BTBD10: variants seen among roughly 807,000 people sequenced by gnomAD.
BTBD10 encodes BTB/POZ domain-containing protein 10.
A neutral mutation model predicts 53.2 loss-of-function variants in BTBD10; 21 were observed. That is an observed-to-expected ratio of 0.39 (90% CI 0.28 to 0.57). The LOEUF (loss-of-function observed/expected upper bound fraction) is 0.57. Ranked by LOEUF, BTBD10 falls within the 20% of genes least tolerant of loss-of-function variation. The pLI is 0.53. For missense variants in BTBD10, 360 were observed against 594.7 expected (o/e 0.61, Z 4.10); for synonymous variants, 149 against 192.7 (o/e 0.77, Z 1.88).
intron 4 of BTBD10, 98 bp downstream of exon 4, chr11:13,419,362 A>T: frequency 6.9e-7 from 1 of 1,440,678 alleles, no homozygotes; most frequent in South Asian, 1.3e-5. Context: ...CAGAAATGTT[A>T]CATTTCAACA....
At chr11:13,390,664 T>C (rs1032252620) in intron 8 of BTBD10, among the ~76,000 whole-genome samples, 2 of 152,168 alleles carry the variant, frequency 1.3e-5, no homozygotes, top group Admixed American at 6.5e-5. Flanking sequence ...TAAAACTTTA[T>C]AAAAAAGAGG....
intron 6 of BTBD10, among the ~76,000 whole-genome samples, chr11:13,408,525 T>C (rs977583926): frequency 6.6e-6 from 1 of 152,244 alleles, no homozygotes; most frequent in Non-Finnish European, 1.5e-5. Flanking sequence ...TGCTGAACTT[T>C]AGACATGTAT....
chr11:13,389,436 T>TC (rs1949348932), intron 8 of BTBD10, among the ~76,000 whole-genome samples: 1 of 149,842 alleles, frequency 6.7e-6, no homozygotes, highest in Admixed American at 6.7e-5. Flanking sequence ...TATGTATCCT[T>TC]TTTTTTTTTT....
chr11:13,447,597 T>A (rs1077957), intron 1 of BTBD10, among the ~76,000 whole-genome samples: 118,506 of 152,088 alleles, frequency 0.78, 46,989 homozygotes, highest in Middle Eastern at 0.88. Context: ...ATTACACTGG[T>A]TGGTAAACAG....
chr11:13,433,256 T>C (rs1330063498), intron 2 of BTBD10, among the ~76,000 whole-genome samples: 1 of 152,182 alleles, frequency 6.6e-6, no homozygotes, highest in East Asian at 1.9e-4. Context: ...CTTCCTGTAA[T>C]GGAGCTGACC....
intron 7 of BTBD10, among the ~76,000 whole-genome samples, chr11:13,403,713 G>T (rs983915696): frequency 2.6e-5 from 4 of 152,166 alleles, no homozygotes; most frequent in Admixed American, 6.6e-5. Flanking sequence ...GTACAAAACA[G>T]ATACATTTTA....
chr11:13,393,013 T>C (rs995594511), intron 8 of BTBD10, among the ~76,000 whole-genome samples: 8 of 152,158 alleles, frequency 5.3e-5, no homozygotes, highest in Non-Finnish European at 1.2e-4. Context: ...TTGAGAGATG[T>C]TGTTCCATTA....
chr11:13,394,589 A>G (rs184649320), intron 8 of BTBD10, among the ~76,000 whole-genome samples: 4 of 152,328 alleles, frequency 2.6e-5, no homozygotes, highest in African/African-American at 9.6e-5. Context: ...GTACACGTGC[A>G]CAACGTGCAG....
At chr11:13,401,544 A>C (rs1346641523) in intron 8 of BTBD10, among the ~76,000 whole-genome samples, 1 of 152,182 alleles carries the variant, frequency 6.6e-6, no homozygotes, top group African/African-American at 2.4e-5. Context: ...TAAAGGATGG[A>C]TAATAGTCGC....
At chr11:13,413,454 T>A in intron 6 of BTBD10, 76 bp downstream of exon 6, 1 of 1,287,720 alleles carries the variant, frequency 7.8e-7, no homozygotes, top group Non-Finnish European at 1.1e-6. Context: ...ACTAGGTAAA[T>A]AGCACTAATT....
chr11:13,391,924 C>CA (rs764371659), intron 8 of BTBD10, among the ~76,000 whole-genome samples: 1 of 152,176 alleles, frequency 6.6e-6, no homozygotes, highest in Non-Finnish European at 1.5e-5. Flanking sequence ...AGCCTGGTGA[C>CA]AGAGCGAGAC....
chr11:13,445,859 G>C (rs1950741788), intron 1 of BTBD10, among the ~76,000 whole-genome samples: 1 of 152,106 alleles, frequency 6.6e-6, no homozygotes, highest in Non-Finnish European at 1.5e-5. Flanking sequence ...CAGCTTTACA[G>C]AATATCTGAG....
At chr11:13,405,898 T>TA (rs1445053578) in intron 6 of BTBD10, 42 bp from the exon 7 acceptor site, 28 of 1,582,282 alleles carry the variant, frequency 1.8e-5, no homozygotes, top group Non-Finnish European at 2.3e-5. Context: ...AAACTTTTCC[T>TA]AAAAAGAGTT....
intron 8 of BTBD10, among the ~76,000 whole-genome samples, chr11:13,396,539 T>C (rs905889887): frequency 6.6e-6 from 1 of 152,160 alleles, no homozygotes; most frequent in African/African-American, 2.4e-5. Flanking sequence ...TATTTCCTTC[T>C]CCTGCTTAAC....
chr11:13,421,776 C>T lies in BTBD10; in HGVS notation c.164G>A (p.Ser55Asn). ...ATCTCTTGATCTCTCATGTCCCCCA[C>T]TAGCACCATGTAGACTCATTTTGGT... ...DHTKMSLHGA[S>N]GGHERSRDRR... Residue 55 changes from serine to asparagine, a missense_variant, in exon 3 of 9, where the codon AGT becomes AAT. Ser to Asn is a conservative substitution (Grantham distance 46). Transcript: ENST00000278174. 1 of 1,614,128 alleles carries T rather than the reference C, an allele frequency of 6.2e-7. No homozygotes were observed. Among genetic ancestry groups the T allele is most frequent in the Non-Finnish European group, 8.5e-7 (1 of 1,179,994 alleles).
At chr11:13,393,248 A>G (rs1019904443) in intron 8 of BTBD10, among the ~76,000 whole-genome samples, 3 of 152,234 alleles carry the variant, frequency 2.0e-5, no homozygotes, top group African/African-American at 7.2e-5. Context: ...CCACAGAGCT[A>G]AAATTATTTT....
At chr11:13,426,575 G>T (rs188479580) in intron 2 of BTBD10, among the ~76,000 whole-genome samples, 3 of 152,042 alleles carry the variant, frequency 2.0e-5, no homozygotes, top group Non-Finnish European at 4.4e-5. Context: ...CACAAAGTCT[G>T]GGAGAAAGAA....
At chr11:13,423,084 G>A (rs1791270925) in intron 2 of BTBD10, among the ~76,000 whole-genome samples, 1 of 152,190 alleles carries the variant, frequency 6.6e-6, no homozygotes, top group Non-Finnish European at 1.5e-5. Flanking sequence ...GTAGCCACTA[G>A]TGTATCACTA....
chr11:13,393,630 A>C (rs906395112), intron 8 of BTBD10, among the ~76,000 whole-genome samples: 1 of 152,210 alleles, frequency 6.6e-6, no homozygotes, highest in Non-Finnish European at 1.5e-5. Flanking sequence ...GCTTCAGTAC[A>C]TAGAAGCAGT....
Sources: allele counts gnomAD v4.1 joint callset (sites outside exome capture counted in the v4.1 genomes callset), GRCh38; gene constraint gnomAD v4.1.1; transcripts MANE v1.5; gene names NCBI Gene and HGNC (gene_info 2026-07-23, HGNC 2026-07-21).